The following DPH6 variants were observed in gnomAD, a reference collection of about 807,000 sequenced individuals.
The protein encoded by DPH6 is diphthine--ammonia ligase.
Under a neutral mutation model 38.2 loss-of-function variants are expected in DPH6, and 33 were observed. That is an observed-to-expected ratio of 0.86 (90% CI 0.65 to 1.15). The LOEUF is 1.15. DPH6 is among the 50% of genes most tolerant of loss of function. The pLI, the probability that DPH6 is intolerant of heterozygous loss-of-function variation, is 0.00. For missense variants in DPH6, 325 were observed against 320.0 expected, an observed-to-expected ratio of 1.02 and a Z score of -0.12; for synonymous variants, 108 against 103.0, an observed-to-expected ratio of 1.05 and a Z score of -0.30.
At position 35,252,791 on chromosome 15, in the gene DPH6, C is replaced by A. The variant is rs540381131; in HGVS notation, n.201-32209G>T. ...CTGATTTATAGATATTTTGGTTACA[C>A]ATTAAAAATACATACTCTATAATTT... On this transcript the variant is annotated intron_variant and non_coding_transcript_variant, in intron 3 of 3. Transcript: ENST00000560386. 2.0e-5 allele frequency among the ~76,000 whole-genome samples: 3 copies of A among 152,304 alleles called. No individual in the cohort carries two copies. In the South Asian group the frequency reaches 6.2e-4, roughly 32 times the overall value.
intron 3 of DPH6, among the ~76,000 whole-genome samples, chr15:35,356,975 G>A (rs370620703): frequency 2.0e-5 from 3 of 152,154 alleles, no homozygotes; most frequent in African/African-American, 4.8e-5. Context: ...CTCAAGCCTC[G>A]GCAGTGGCGG....
At chr15:35,151,840 C>A in the DPH6 span, among the ~76,000 whole-genome samples, 2 of 152,144 alleles carry the variant, frequency 1.3e-5, no homozygotes, top group Admixed American at 1.3e-4. Flanking sequence ...TAATAAGCGA[C>A]GCAGAACGAA....
intron 3 of DPH6, among the ~76,000 whole-genome samples, chr15:35,471,976 TTTTAA>T (rs1000432454): frequency 1.3e-5 from 2 of 152,238 alleles, no homozygotes; most frequent in African/African-American, 4.8e-5. Flanking sequence ...TGACCATTTA[TTTTAA>T]TTTATCATTT....
At chr15:35,169,431 A>G in the DPH6 span, among the ~76,000 whole-genome samples, 10 of 152,276 alleles carry the variant, frequency 6.6e-5, no homozygotes, top group Admixed American at 4.6e-4. Context: ...CTAATTAGGC[A>G]CTGAATTTAT....
intron 3 of DPH6, among the ~76,000 whole-genome samples, chr15:35,279,061 A>AT (rs1431390368): frequency 1.5e-5 from 2 of 130,914 alleles, no homozygotes; most frequent in Admixed American, 8.0e-5. Context: ...AAAAAAAAAA[A>AT]AAAAAAAATA....
intron 3 of DPH6, among the ~76,000 whole-genome samples, chr15:35,320,587 C>CT (rs2052231814): frequency 6.6e-6 from 1 of 152,178 alleles, no homozygotes; most frequent in Admixed American, 6.5e-5. Flanking sequence ...GCTGGCTTCC[C>CT]AGACACAGCC....
At chr15:35,238,509 C>T (rs1451107310) in intron 3 of DPH6, among the ~76,000 whole-genome samples, 1 of 152,212 alleles carries the variant, frequency 6.6e-6, no homozygotes, top group African/African-American at 2.4e-5. Context: ...CCAATTCCCA[C>T]ATCTACAATT....
intron 3 of DPH6, among the ~76,000 whole-genome samples, chr15:35,506,539 T>C (rs1343999620): frequency 2.6e-5 from 4 of 152,218 alleles, no homozygotes; most frequent in East Asian, 1.9e-4. Context: ...TTCCTACTTC[T>C]ACAGCCCACG....
At chr15:35,440,980 CA>C (rs1440390368) in intron 5 of DPH6, among the ~76,000 whole-genome samples, 1 of 152,070 alleles carries the variant, frequency 6.6e-6, no homozygotes, top group Non-Finnish European at 1.5e-5. Flanking sequence ...ACAACCCAAT[CA>C]AAAAGTGGGT....
chr15:35,486,122 C>A (rs1488925721), intron 3 of DPH6, among the ~76,000 whole-genome samples: 4 of 152,118 alleles, frequency 2.6e-5, no homozygotes, highest in Non-Finnish European at 5.9e-5. Flanking sequence ...AGGAAACTTA[C>A]AATTATGGCA....
chr15:35,359,174 C>T (rs1011296384), intron 3 of DPH6, among the ~76,000 whole-genome samples: 22 of 152,112 alleles, frequency 1.4e-4, no homozygotes, highest in African/African-American at 5.3e-4. Context: ...GGAAAGCTGG[C>T]AGTCACAGGC....
At chr15:35,277,879 C>T (rs1205169439) in intron 3 of DPH6, among the ~76,000 whole-genome samples, 1 of 152,158 alleles carries the variant, frequency 6.6e-6, no homozygotes, top group East Asian at 1.9e-4. Context: ...AAGATGTGGC[C>T]TGGCTGCTTC....
intron 5 of DPH6, among the ~76,000 whole-genome samples, chr15:35,431,162 A>C (rs947584317): frequency 6.6e-6 from 1 of 152,152 alleles, no homozygotes; most frequent in African/African-American, 2.4e-5. Flanking sequence ...AAAAAGCGGC[A>C]AACGAAGGAT....
intron 5 of DPH6, among the ~76,000 whole-genome samples, chr15:35,448,778 A>T (rs761419647): frequency 1.1e-4 from 16 of 152,124 alleles, no homozygotes; most frequent in Non-Finnish European, 2.4e-4. Flanking sequence ...AGTCCCTTAA[A>T]ACATTATAAT....
chr15:35,164,770 C>A, the DPH6 span, among the ~76,000 whole-genome samples: 1 of 151,824 alleles, frequency 6.6e-6, no homozygotes, highest in African/African-American at 2.4e-5. Context: ...AAGATGTCCT[C>A]ATCTTATAAA....
chr15:35,432,288 C>T (rs2053642420), intron 5 of DPH6, among the ~76,000 whole-genome samples: 1 of 152,176 alleles, frequency 6.6e-6, no homozygotes, highest in African/African-American at 2.4e-5. Flanking sequence ...TTGCTTTACA[C>T]TCCTGAAAGA....
chr15:35,320,493 G>A (rs1025359648), intron 3 of DPH6, among the ~76,000 whole-genome samples: 5 of 152,168 alleles, frequency 3.3e-5, no homozygotes, highest in African/African-American at 1.2e-4. Context: ...TTCTATATTT[G>A]TGGCTTTATC....
In DPH6 at chr15:35,316,729, C is replaced by T. The variant is rs374590647; in HGVS notation, n.200+56792G>A. Reference sequence around the variant, plus strand: ...AAGAATTTCTGAAGTGAAAGACATGCGGGCAAAGAAAACAGCACCTAGGTA... The same window carrying T: ...AAGAATTTCTGAAGTGAAAGACATGTGGGCAAAGAAAACAGCACCTAGGTA... On this transcript the variant is annotated intron_variant and non_coding_transcript_variant, in intron 3 of 3. Coordinates refer to the DPH6 transcript ENST00000560386. Among the ~76,000 whole-genome samples the T allele has an allele frequency of 4.7e-4, 71 of 151,998 alleles. 4 individuals are homozygous for T. Among genetic ancestry groups the T allele is most frequent in the East Asian group, 7.7e-4 (4 of 5,176 alleles).
chr15:35,332,618 T>C (rs909911986), intron 3 of DPH6, among the ~76,000 whole-genome samples: 2 of 152,126 alleles, frequency 1.3e-5, no homozygotes, highest in African/African-American at 4.8e-5. Context: ...ACTCTGCAAC[T>C]TACCAGGTGT....
Sources: gnomAD v4.1 joint callset for allele counts (sites outside exome capture counted in the v4.1 genomes callset) on GRCh38, gnomAD v4.1.1 for gene constraint, MANE v1.5 for transcripts, NCBI Gene and HGNC (gene_info 2026-07-23, HGNC 2026-07-21) for gene names.